The following TDRD5 variants were observed in gnomAD, a reference collection of about 807,000 sequenced individuals.
The protein encoded by TDRD5 is tudor domain-containing protein 5.
A neutral mutation model predicts 120.6 loss-of-function variants in TDRD5; 41 were observed. The ratio of observed to expected loss-of-function variants is 0.34; its 90% CI spans 0.26 to 0.44. The LOEUF is 0.44. TDRD5 is among the 20% of genes least tolerant of loss of function. The pLI, the probability that TDRD5 is intolerant of heterozygous loss-of-function variation, is 1.00. For missense variants in TDRD5, 1,006 were observed against 1,221.2 expected (o/e 0.82, Z 2.63); for synonymous variants, 430 against 433.7 (o/e 0.99, Z 0.11).
Position 179,618,633 on chromosome 1 carries a change from T to C in TDRD5, c.866T>C (p.Ile289Thr). 6.3e-6 allele frequency: 10 copies of C among 1,599,666 alleles called. No individual in the cohort carries two copies. Among genetic ancestry groups the C allele is most frequent in the Non-Finnish European group, 8.5e-6 (10 of 1,174,456 alleles). ...ACATTCAAATCAGTTATTGCACAGA[T>C]TGGACCTGGAGGAACTATCAGTTCA... is the stretch of plus-strand genomic sequence containing the variant. ...ENTFKSVIAQ[I>T]GPGGTISSEL... The change falls in exon 5 of 18, where the codon ATT becomes ACT. Residue 289 changes from isoleucine to threonine, a missense_variant. Around this residue, in one of 3 missense-constraint regions of TDRD5, gnomAD observed 445 missense variants for 515.5 expected, o/e 0.86. Coordinates refer to ENST00000444136, the MANE Select transcript of TDRD5 (RefSeq NM_001199085.3).
In TDRD5 at chr1:179,608,932, A is replaced by G. The variant is rs143957563; in HGVS notation, c.832-9667A>G. Among the ~76,000 whole-genome samples, 537 of 152,184 alleles carry G rather than the reference A, an allele frequency of 3.5e-3. 4 individuals carry two copies. The highest frequency in any genetic ancestry group is 0.017 in the Middle Eastern group (5 of 294). On this transcript the variant is annotated intron_variant, in intron 4 of 17. Transcript: ENST00000444136. ...TAGAGTGGGTATTATAGACTTAATT[A>G]TGTTCTCCCTATATTTATATATTTA...
At chr1:179,684,268 A>G (rs966140802) in intron 17 of TDRD5, among the ~76,000 whole-genome samples, 7 of 152,188 alleles carry the variant, frequency 4.6e-5, no homozygotes, top group Admixed American at 1.3e-4. Flanking sequence ...TCATTGTTCA[A>G]TTCCCACCTA....
rs536560523 is a variant in TDRD5, at chr1:179,593,404, A to T, written c.233-56A>T. ...AACTGTATAAACACAGATACTAAGG[A>T]TAAAGAAGGGAGTAAGTTTTCCTCC... is the stretch of plus-strand genomic sequence containing the variant. On this transcript the variant is annotated intron_variant, in intron 2 of 17. Coordinates refer to ENST00000444136, the MANE Select transcript of TDRD5 (RefSeq NM_001199085.3). The T allele has an allele frequency of 4.9e-5, 75 of 1,542,440 alleles. 1 individual carries two copies. The East Asian group carries it at 1.6e-3, about 32-fold the overall frequency.
intron 11 of TDRD5, among the ~76,000 whole-genome samples, chr1:179,647,661 C>T (rs544335632): frequency 3.9e-5 from 6 of 152,000 alleles, no homozygotes; most frequent in African/African-American, 1.4e-4. Flanking sequence ...GAACAGGCAA[C>T]CTACAAAATG....
At chr1:179,661,471 C>T (rs1206626114) in intron 14 of TDRD5, among the ~76,000 whole-genome samples, 9 of 151,546 alleles carry the variant, frequency 5.9e-5, no homozygotes, top group Non-Finnish European at 1.3e-4. Flanking sequence ...TGCATTCTTT[C>T]ATTTCTGTTC....
Position 179,635,663 on chromosome 1 carries a change from A to G in TDRD5, c.1300-4A>G. On this transcript the variant is annotated splice_polypyrimidine_tract_variant and splice_region_variant and intron_variant, in intron 8 of 17. Transcript: ENST00000444136. ...ATTTTTAATTTTTTTTTTCTAACTT[A>G]TAGCAAGTAGAAACAAACAAATCAG... 2 of 1,612,482 alleles carry G rather than the reference A, an allele frequency of 1.2e-6. No individual in the cohort carries two copies. The highest frequency in any genetic ancestry group is 2.2e-5 in the East Asian group (1 of 44,860).
intron 16 of TDRD5, among the ~76,000 whole-genome samples, chr1:179,667,925 A>G (rs1259311703): frequency 6.6e-6 from 1 of 152,230 alleles, no homozygotes; most frequent in East Asian, 1.9e-4. Context: ...TGTGATGCAT[A>G]TGAGCCAGAA....
Position 179,688,330 on chromosome 1 carries a change from C to A in TDRD5, c.2861-2366C>A, listed in dbSNP as rs549529174. 3.9e-5 allele frequency among the ~76,000 whole-genome samples: 6 copies of A among 152,250 alleles called. No individual in the cohort carries two copies. In the South Asian group the frequency reaches 1.2e-3, roughly 32 times the overall value. ...GCTTAGTTTGGCTGGATATGAAATT[C>A]TGGGTTGAAAATTCTTTTCTTTAAG... On this transcript the variant is annotated intron_variant, in intron 17 of 17. Coordinates refer to ENST00000444136, the MANE Select transcript of TDRD5 (RefSeq NM_001199085.3).
At chr1:179,671,893 C>T (rs932907302) in intron 17 of TDRD5, among the ~76,000 whole-genome samples, 9 of 151,676 alleles carry the variant, frequency 5.9e-5, no homozygotes, top group African/African-American at 2.2e-4. Flanking sequence ...GAATTCCATC[C>T]AGGTTGCTGC....
At position 179,593,625 on chromosome 1, in the gene TDRD5, C is replaced by G. The variant is rs1364624697; in HGVS notation, c.398C>G (p.Ala133Gly). The G allele has an allele frequency of 6.2e-7, 1 of 1,614,112 alleles. No homozygotes were observed. The highest frequency in any genetic ancestry group is 1.7e-5 in the Admixed American group (1 of 60,014). Residue 133 changes from alanine to glycine, a missense_variant, in exon 3 of 18, where the codon GCT (alanine) becomes GGT (glycine). Ala to Gly is a moderately conservative substitution (Grantham distance 60). This residue lies in a region of TDRD5 where 445 missense variants were observed against 515.5 expected (regional missense o/e 0.86). Transcript: ENST00000444136. ...YRGRVAPILPAVVKSELKDLL... is the reference protein window; with the variant it reads ...YRGRVAPILPGVVKSELKDLL... ...GGAAGGGTTGCCCCTATTCTTCCAGCTGTTGTGAAGAGTGAGTTGAAGGAC... is the reference window on the plus strand; with the variant it reads ...GGAAGGGTTGCCCCTATTCTTCCAGGTGTTGTGAAGAGTGAGTTGAAGGAC...
intron 11 of TDRD5, among the ~76,000 whole-genome samples, chr1:179,648,647 A>C (rs891361788): frequency 6.6e-6 from 1 of 152,008 alleles, no homozygotes; most frequent in Non-Finnish European, 1.5e-5. Flanking sequence ...ACAAAAAAAA[A>C]TTTTAAACTT....
At chr1:179,601,498 T>C (rs963509644) in intron 4 of TDRD5, among the ~76,000 whole-genome samples, 7 of 152,176 alleles carry the variant, frequency 4.6e-5, no homozygotes, top group African/African-American at 1.7e-4. Context: ...TTCCCACATA[T>C]CAGTGAAAAC....
chr1:179,667,355 G>T (rs1347207364), intron 16 of TDRD5, among the ~76,000 whole-genome samples: 1 of 152,164 alleles, frequency 6.6e-6, no homozygotes, highest in East Asian at 1.9e-4. Context: ...AGAAGATATA[G>T]CTTTTTAAAA....
At chr1:179,670,351 C>G (rs1302164980) in intron 17 of TDRD5, among the ~76,000 whole-genome samples, 1 of 150,580 alleles carries the variant, frequency 6.6e-6, no homozygotes, top group Non-Finnish European at 1.5e-5. Flanking sequence ...GAGATCGTGC[C>G]ACTACACTCC....
chr1:179,618,689 A>G lies in TDRD5; in HGVS notation c.915+7A>G, dbSNP rs1676690287. On this transcript the variant is annotated splice_region_variant and intron_variant, in intron 5 of 17. Transcript: ENST00000444136. ...AAAACATAAGATAAAATTTGTAAGT[A>G]ATTTCTGTTTCTGGGAGACAATAAT... 2 of 1,559,452 alleles carry G rather than the reference A, an allele frequency of 1.3e-6. No individual in the cohort carries two copies. The highest frequency in any genetic ancestry group is 2.8e-5 in the African/African-American group (2 of 72,204).
intron 17 of TDRD5, among the ~76,000 whole-genome samples, chr1:179,678,459 C>T (rs1161198219): frequency 6.6e-6 from 1 of 152,188 alleles, no homozygotes; most frequent in East Asian, 1.9e-4. Flanking sequence ...CAAGAACTAC[C>T]ACAGGAACAT....
At chr1:179,606,342 ATAG>A (rs1675982191) in intron 4 of TDRD5, among the ~76,000 whole-genome samples, 1 of 151,584 alleles carries the variant, frequency 6.6e-6, no homozygotes, top group African/African-American at 2.4e-5. Flanking sequence ...GTTTTTAATA[ATAG>A]TCTTTTATCA....
intron 4 of TDRD5, among the ~76,000 whole-genome samples, chr1:179,608,306 C>T (rs1024810573): frequency 6.6e-6 from 1 of 151,838 alleles, no homozygotes; most frequent in African/African-American, 2.4e-5. Context: ...CTTCTTATAT[C>T]ATTGAGCTTC....
intron 16 of TDRD5, among the ~76,000 whole-genome samples, chr1:179,668,641 C>T (rs1446248498): frequency 1.3e-5 from 2 of 151,940 alleles, no homozygotes; most frequent in African/African-American, 4.8e-5. Context: ...CACTCAGTGC[C>T]CTGTTTGCTT....
Sources: allele counts gnomAD v4.1 joint callset (sites outside exome capture counted in the v4.1 genomes callset), GRCh38; gene constraint gnomAD v4.1.1; regional missense constraint gnomAD v4.1.1; transcripts MANE v1.5; gene names NCBI Gene and HGNC (gene_info 2026-07-23, HGNC 2026-07-21).